Variants in ATP5PO observed in about 807,000 individuals in gnomAD.
The protein encoded by ATP5PO is ATP synthase peripheral stalk subunit OSCP, also known as ATP synthase peripheral stalk subunit OSCP, mitochondrial.
Under a neutral mutation model 26.2 loss-of-function variants are expected in ATP5PO, and 14 were observed. The observed-to-expected ratio is 0.53, with a 90% CI of 0.35 to 0.83. The LOEUF is 0.83. Ranked by LOEUF, ATP5PO falls within the 40% of genes least tolerant of loss-of-function variation. The pLI is 0.01. For synonymous variants in ATP5PO, 106 were observed against 95.1 expected (o/e 1.12, Z -0.67); for missense variants, 241 against 258.5 (o/e 0.93, Z 0.46).
At chr21:33,906,855 G>T in intron 5 of ATP5PO, 1 of 442,950 alleles carries the variant, frequency 2.3e-6, no homozygotes, top group Non-Finnish European at 4.6e-6. Context: ...GCCGGGTGTG[G>T]TGGGGGTGCA....
chr21:33,910,689 T>C (rs552477805), intron 3 of ATP5PO, among the ~76,000 whole-genome samples: 4 of 152,350 alleles, frequency 2.6e-5, no homozygotes, highest in Admixed American at 2.6e-4. Flanking sequence ...CGTCTGTTCC[T>C]GCATGCCCTT....
intron 5 of ATP5PO, 99 bp from the exon 6 acceptor site, chr21:33,904,120 GCTC>G: frequency 1.1e-5 from 11 of 1,002,732 alleles, no homozygotes; most frequent in Non-Finnish European, 1.6e-5. Context: ...GGCCTTGTGA[GCTC>G]CTCCCTTTGC....
chr21:33,903,934 C>T lies in ATP5PO; in HGVS notation c.528+1G>A, dbSNP rs1987135391. The T allele has an allele frequency of 2.5e-6, 4 of 1,605,968 alleles. No individual in the cohort carries two copies. The highest frequency in any genetic ancestry group is 3.4e-6 in the Non-Finnish European group (4 of 1,174,970). ...CGTACCATAAATAATTTAAAACCTA[C>T]CTTAGCCTCCAATTTCAATACTTGG... On this transcript the variant is annotated splice_donor_variant, in intron 6 of 6. Transcript: ENST00000290299. LOFTEE classifies it high-confidence loss of function.
At chr21:33,912,519 T>C in intron 2 of ATP5PO, 120 bp from the exon 3 acceptor site, 1 of 592,934 alleles carries the variant, frequency 1.7e-6, no homozygotes, top group Non-Finnish European at 2.7e-6. Flanking sequence ...CACAAAACAG[T>C]TTAAATATGT....
rs1426059921 is a variant in ATP5PO at position 33,903,957 on chromosome 21, T to C, written c.506A>G (p.Gln169Arg). The change falls in exon 6 of 7, where the codon CAA becomes CGA. Residue 169 changes from glutamine to arginine, a missense_variant. Transcript: ENST00000290299. ...TVLKSFLSQG[Q>R]VLKLEAKTDP... ...TACCTTAGCCTCCAATTTCAATACT[T>C]GGCCTTGACTTAGGAAGCTCTTGAG... 2 of 1,612,520 alleles carry C rather than the reference T, an allele frequency of 1.2e-6. No individual in the cohort carries two copies. Among genetic ancestry groups the C allele is most frequent in the South Asian group, 2.2e-5 (2 of 90,650 alleles).
At chr21:33,908,169 CAA>C (rs34768404) in intron 4 of ATP5PO, among the ~76,000 whole-genome samples, 9,656 of 97,554 alleles carry the variant, frequency 0.099, 325 homozygotes, top group East Asian at 0.26. Context: ...CACCCAGGCT[CAA>C]AAAAAAAAAA....
At chr21:33,914,307 T>TGCACG in intron 2 of ATP5PO, 143 bp downstream of exon 2, 1 of 701,558 alleles carries the variant, frequency 1.4e-6, no homozygotes, top group South Asian at 2.1e-5. Flanking sequence ...CCCCACCCTA[T>TGCACG]GCACACAGCA....
intron 2 of ATP5PO, among the ~76,000 whole-genome samples, chr21:33,913,621 G>A (rs999382030): frequency 1.3e-5 from 2 of 152,130 alleles, no homozygotes; most frequent in Non-Finnish European, 2.9e-5. Flanking sequence ...CTCTTTATCC[G>A]GGGTCAACTG....
intron 5 of ATP5PO, 52 bp from the exon 6 acceptor site, chr21:33,904,073 C>CAG (rs765284814): frequency 1.3e-5 from 20 of 1,512,942 alleles, no homozygotes; most frequent in Admixed American, 1.9e-5. Flanking sequence ...CAGAAACTTC[C>CAG]AGAGTTAAAA....
intron 5 of ATP5PO, among the ~76,000 whole-genome samples, chr21:33,905,229 G>T (rs979653925): frequency 1.3e-5 from 2 of 152,060 alleles, no homozygotes. Context: ...AGACTAAAAG[G>T]TTACAGAATT....
Position 33,914,616 on chromosome 21 carries a change from GTATATT to G in ATP5PO, c.37-122_37-117del. ...TTAAAATCATTACTTTTGTCTCTTT[GTATATT>G]CACATATTACATGAGGGTGAGCTAC... On this transcript the variant is annotated intron_variant, in intron 1 of 6. Coordinates refer to ENST00000290299, the MANE Select transcript of ATP5PO (RefSeq NM_001697.3). 18 of 950,754 alleles carry G rather than the reference GTATATT, an allele frequency of 1.9e-5. No individual in the cohort carries two copies. The South Asian group carries it at 2.8e-4, about 15-fold the overall frequency. 58.9% of individuals were successfully genotyped at this position (950,754 alleles called of 1,614,324 possible).
chr21:33,915,285 C>T (rs751653428), intron 1 of ATP5PO: 20 of 188,488 alleles, frequency 1.1e-4, no homozygotes, highest in Non-Finnish European at 2.0e-4. Context: ...GCCAAAGACT[C>T]ATTTAAACTT....
intron 5 of ATP5PO, among the ~76,000 whole-genome samples, chr21:33,905,622 T>C (rs1987158958): frequency 6.6e-6 from 1 of 152,030 alleles, no homozygotes; most frequent in African/African-American, 2.4e-5. Context: ...AAGAAAATCA[T>C]GGCCTTGTGG....
intron 1 of ATP5PO, 64 bp downstream of exon 1, chr21:33,915,664 G>C: frequency 1.4e-5 from 21 of 1,540,468 alleles, no homozygotes; most frequent in Non-Finnish European, 1.8e-5. Context: ...TGGTGCTCGA[G>C]GTTTGGTACC....
intron 4 of ATP5PO, 159 bp downstream of exon 4, chr21:33,908,923 T>A (rs1987211016): frequency 1.3e-6 from 1 of 740,830 alleles, no homozygotes; most frequent in African/African-American, 1.8e-5. Context: ...CTTAGGGAGC[T>A]GGTTAAGATA....
At chr21:33,911,668 T>TTTTG (rs1002448486) in intron 3 of ATP5PO, among the ~76,000 whole-genome samples, 1 of 136,582 alleles carries the variant, frequency 7.3e-6, no homozygotes, top group African/African-American at 2.6e-5. Flanking sequence ...ATAGGTTTTT[T>TTTTG]TTTTTTTTTT....
chr21:33,913,701 G>A (rs915851376), intron 2 of ATP5PO, among the ~76,000 whole-genome samples: 4 of 152,112 alleles, frequency 2.6e-5, no homozygotes, highest in South Asian at 2.1e-4. Flanking sequence ...GGTGCCTACT[G>A]GAAAGAAAGG....
intron 5 of ATP5PO, among the ~76,000 whole-genome samples, chr21:33,906,201 T>C (rs1354748666): frequency 1.3e-5 from 2 of 152,178 alleles, no homozygotes; most frequent in African/African-American, 2.4e-5. Flanking sequence ...ACTAGAAGGT[T>C]AGACTGTCCT....
chr21:33,904,060 A>G, intron 5 of ATP5PO, 39 bp from the exon 6 acceptor site: 3 of 1,546,188 alleles, frequency 1.9e-6, no homozygotes, highest in Non-Finnish European at 1.8e-6. Context: ...AGATAAAGCA[A>G]AACAGAAACT....
Sources: gnomAD v4.1 joint callset for allele counts (sites outside exome capture counted in the v4.1 genomes callset) on GRCh38, gnomAD v4.1.1 for gene constraint, MANE v1.5 for transcripts, NCBI Gene and HGNC (gene_info 2026-07-23, HGNC 2026-07-21) for gene names.